Variants in AGFG2 observed in about 807,000 individuals in gnomAD.
AGFG2 encodes ArfGAP with FG repeats 2.
Under a neutral mutation model 48.0 loss-of-function variants are expected in AGFG2, and 31 were observed. The observed-to-expected ratio is 0.65, with a 90% confidence interval of 0.49 to 0.87. The LOEUF (loss-of-function observed/expected upper bound fraction) is 0.87. Ranked by LOEUF, AGFG2 falls within the 40% of genes least tolerant of loss-of-function variation. AGFG2 has a pLI of 0.00. For missense variants in AGFG2, 599 were observed against 632.6 expected (o/e 0.95, Z 0.57); for synonymous variants, 229 against 260.8 (o/e 0.88, Z 1.18).
At chr7:100,545,657 A>G (rs1233947869) in intron 1 of AGFG2, among the ~76,000 whole-genome samples, 2 of 152,228 alleles carry the variant, frequency 1.3e-5, no homozygotes, top group Non-Finnish European at 2.9e-5. Flanking sequence ...TAGAAATACC[A>G]GAATGAATTT....
At chr7:100,561,532 C>T (rs1383686488) in intron 6 of AGFG2, among the ~76,000 whole-genome samples, 3 of 152,206 alleles carry the variant, frequency 2.0e-5, no homozygotes, top group African/African-American at 7.2e-5. Flanking sequence ...AGACAGGAGG[C>T]TTTCTTAAAA....
intron 6 of AGFG2, among the ~76,000 whole-genome samples, chr7:100,561,639 G>A (rs755822125): frequency 3.3e-5 from 5 of 152,258 alleles, no homozygotes; most frequent in Non-Finnish European, 7.3e-5. Flanking sequence ...TGTGGGCCTT[G>A]CCCTCTGTGC....
chr7:100,543,070 A>AT (rs150652871), intron 1 of AGFG2, among the ~76,000 whole-genome samples: 9,710 of 149,374 alleles, frequency 0.065, 318 homozygotes, highest in Middle Eastern at 0.08. Flanking sequence ...ATTATTATTA[A>AT]TTTTTTTTTT....
chr7:100,553,602 G>C, intron 4 of AGFG2, 102 bp downstream of exon 4: 2 of 1,394,650 alleles, frequency 1.4e-6, no homozygotes, highest in Non-Finnish European at 1.9e-6. Flanking sequence ...AACAGTGCAG[G>C]AGCTGTGAGT....
In AGFG2 at chr7:100,565,352, G is replaced by C. The variant is rs755200076; in HGVS notation, c.*361G>C. On this transcript the variant is annotated 3_prime_UTR_variant, in exon 12 of 12. Coordinates refer to ENST00000300176, the MANE Select transcript of AGFG2 (RefSeq NM_006076.5). ...TCCTCATGGACGGGAGCGCAGTGGG[G>C]AAGGTAGGGGAAAGATGAGGCACAG... The C allele has an allele frequency of 7.1e-6, 2 of 282,940 alleles. No individual in the cohort carries two copies. Among genetic ancestry groups the C allele is most frequent in the South Asian group, 8.5e-5 (2 of 23,496 alleles). The allele number at this position is 282,940 out of a possible 1,614,324, so 17.5% of individuals were successfully genotyped here.
chr7:100,556,336 A>G lies in AGFG2; in HGVS notation c.877+601A>G, dbSNP rs1489805308. On this transcript the variant is annotated intron_variant, in intron 6 of 11. Transcript: ENST00000300176. ...TCTCAAAACAAACGAACGAACAAAC[A>G]AAACCAAATAAACTATGTTATTTAG... The G allele has an allele frequency of 3.0e-5, 6 of 202,636 alleles. No homozygotes were observed. In the Admixed American group the frequency reaches 3.2e-4, roughly 11 times the overall value. The allele number at this position is 202,636 out of a possible 1,614,324, so 12.6% of individuals were successfully genotyped here.
intron 1 of AGFG2, among the ~76,000 whole-genome samples, chr7:100,539,836 C>T (rs1800389139): frequency 6.6e-6 from 1 of 151,858 alleles, no homozygotes; most frequent in African/African-American, 2.4e-5. Context: ...CCGAGAAACT[C>T]CCCGAGGGGG....
At chr7:100,560,124 C>T (rs1179900994) in intron 6 of AGFG2, among the ~76,000 whole-genome samples, 2 of 151,746 alleles carry the variant, frequency 1.3e-5, no homozygotes, top group African/African-American at 4.8e-5. Context: ...TGGAGGCAGG[C>T]AGGCAGGGAA....
rs1457100518 is a variant in AGFG2 at position 100,562,215 on chromosome 7, G to A, written c.878-44G>A. The A allele has an allele frequency of 1.2e-6, 2 of 1,600,842 alleles. No individual in the cohort carries two copies. Among genetic ancestry groups the A allele is most frequent in the East Asian group, 2.2e-5 (1 of 44,524 alleles). On this transcript the variant is annotated intron_variant, in intron 6 of 11. Transcript: ENST00000300176. The surrounding 1 kb of genome is among the most constrained non-coding windows in gnomAD (Gnocchi z 5.4). ...TCTGCTCTCCTGCCCCTCCCGCCCT[G>A]TCTTACCTCAGCTCTCCCTGTTGTA...
At position 100,563,868 on chromosome 7, in the gene AGFG2, C is replaced by A; in HGVS notation, c.1206C>A (p.Gly402=). The A allele has an allele frequency of 6.2e-7, 1 of 1,611,280 alleles. No homozygotes were observed. The change falls in exon 10 of 12, where the codon GGC becomes GGA. Residue 402 remains glycine, a synonymous_variant. Transcript: ENST00000300176. ...PGFGMSSAGP[G]FPQAVPPTGA... ...TTGGGATGAGCAGTGCTGGGCCTGG[C>A]TTCCCCCAGGCAGTGCCACCCACTG...
chr7:100,562,926 A>G lies in AGFG2; in HGVS notation c.1151A>G (p.Gln384Arg). The G allele has an allele frequency of 6.2e-7, 1 of 1,614,042 alleles. No homozygotes were observed. The highest frequency in any genetic ancestry group is 1.1e-5 in the South Asian group (1 of 91,064). ...QSPLPSTNPF[Q>R]PNGLAPGPGF... ...CCGCTGCCTTCCACCAACCCGTTCC[A>G]GCCCAATGGCTTGGCGCCAGGTAAG... Residue 384 changes from glutamine (Q) to arginine (R), a missense_variant, in exon 9 of 12, where the codon CAG becomes CGG. By Grantham distance (43) the Gln-to-Arg change is conservative. Coordinates refer to ENST00000300176, the MANE Select transcript of AGFG2 (RefSeq NM_006076.5). The surrounding 1 kb of genome is among the most constrained non-coding windows in gnomAD (Gnocchi z 5.4).
chr7:100,564,265 C>G lies in AGFG2; in HGVS notation c.1348C>G (p.Leu450Val). The change falls in exon 11 of 12, where the codon CTG becomes GTG. Residue 450 changes from leucine to valine, a missense_variant. Coordinates refer to ENST00000300176, the MANE Select transcript of AGFG2 (RefSeq NM_006076.5). ...ATCAGCCAAGTTGGGGCAGAGGCCA[C>G]TGAGCCAGCCAGCTGGGATCTCCAC... ...LGSAKLGQRP[L>V]SQPAGISTNP... 4 of 1,613,906 alleles carry G rather than the reference C, an allele frequency of 2.5e-6. No individual in the cohort carries two copies. Among genetic ancestry groups the G allele is most frequent in the Non-Finnish European group, 3.4e-6 (4 of 1,179,928 alleles).
rs1194466852 is a variant in AGFG2, at chr7:100,539,484, C to G, written c.138C>G (p.His46Gln). The change falls in exon 1 of 12, where the codon CAC becomes CAG. Residue 46 changes from histidine (H) to glutamine (Q), a missense_variant. Transcript: ENST00000300176. ...GCTGCAGCCAGGCCGGGAACCGCCA[C>G]TGCTTCGAGTGCGCCCAGCGCGGGG... ...LGGCSQAGNR[H>Q]CFECAQRGVT... 1.5e-6 allele frequency: 2 copies of G among 1,318,838 alleles called. No homozygotes were observed. Among genetic ancestry groups the G allele is most frequent in the African/African-American group, 1.5e-5 (1 of 65,392 alleles). 81.7% of individuals were successfully genotyped at this position (1,318,838 alleles called of 1,614,324 possible).
rs202000689 is a variant in AGFG2, at chr7:100,563,890, A to C, written c.1228A>C (p.Thr410Pro). Residue 410 changes from threonine (T) to proline (P), a missense_variant, in exon 10 of 12, where the codon ACT (threonine) becomes CCT (proline). Coordinates refer to ENST00000300176, the MANE Select transcript of AGFG2 (RefSeq NM_006076.5). Reference sequence around the variant, plus strand: ...TGGCTTCCCCCAGGCAGTGCCACCCACTGGGGCCTTTGCCAGCTCCTTCCC... The same window carrying C: ...TGGCTTCCCCCAGGCAGTGCCACCCCCTGGGGCCTTTGCCAGCTCCTTCCC... ...GPGFPQAVPP[T>P]GAFASSFPAP... is the part of the protein sequence containing the mutation. 1.5e-4 allele frequency: 237 copies of C among 1,610,492 alleles called. No homozygotes were observed. The highest frequency in any genetic ancestry group is 1.8e-4 in the Non-Finnish European group (207 of 1,180,004).
At chr7:100,540,376 G>C (rs961074033) in intron 1 of AGFG2, among the ~76,000 whole-genome samples, 1 of 152,120 alleles carries the variant, frequency 6.6e-6, no homozygotes, top group African/African-American at 2.4e-5. Flanking sequence ...TAAGATCCCT[G>C]TTGCCATGAC....
intron 6 of AGFG2, among the ~76,000 whole-genome samples, chr7:100,559,759 A>G (rs1470365239): frequency 6.6e-6 from 1 of 151,520 alleles, no homozygotes; most frequent in East Asian, 1.9e-4. Context: ...TCGAGGCTGC[A>G]GTGAGCTGAG....
rs748296459 is a variant in AGFG2, at chr7:100,555,686, C to T, written c.828C>T (p.Ser276=). ...GCCCCAGCTCTTCTGTGTTTGGAAG[C>T]CTCCCTCCAGCTGGTCAAGCCTCGT... is the stretch of plus-strand genomic sequence containing the variant. The part of the protein sequence containing the change: ...SSGPSSSVFG[S]LPPAGQASFQ... Residue 276 remains serine, a synonymous_variant, in exon 6 of 12, where the codon AGC becomes AGT. Transcript: ENST00000300176. 2 of 1,614,146 alleles carry T rather than the reference C, an allele frequency of 1.2e-6. No individual in the cohort carries two copies. The highest frequency in any genetic ancestry group is 1.7e-5 in the Admixed American group (1 of 60,028).
At position 100,539,456 on chromosome 7, in the gene AGFG2, G is replaced by A. The variant is rs1800378307; in HGVS notation, c.110G>A (p.Gly37Asp). ...EVWCRRVREL[G>D]GCSQAGNRHC... ...TGGTGCCGTCGGGTGCGGGAGCTGG[G>A]TGGCTGCAGCCAGGCCGGGAACCGC... The change falls in exon 1 of 12, where the codon GGT (glycine) becomes GAT (aspartate). Residue 37 changes from glycine to aspartate, a missense_variant. Gly to Asp is a moderately conservative substitution (Grantham distance 94). Transcript: ENST00000300176. 3.0e-6 allele frequency: 4 copies of A among 1,323,012 alleles called. No individual in the cohort carries two copies. The highest frequency in any genetic ancestry group is 3.9e-6 in the Non-Finnish European group (4 of 1,032,382). 82.0% of individuals were successfully genotyped at this position (1,323,012 alleles called of 1,614,324 possible).
intron 2 of AGFG2, among the ~76,000 whole-genome samples, chr7:100,550,162 C>G (rs535990184): frequency 6.6e-6 from 1 of 152,144 alleles, no homozygotes; most frequent in East Asian, 1.9e-4. Context: ...CAAAAATTAG[C>G]TGGGCGTGGT....
Sources: allele counts gnomAD v4.1 joint callset (sites outside exome capture counted in the v4.1 genomes callset), GRCh38; gene constraint gnomAD v4.1.1; non-coding constraint Gnocchi (gnomAD v3.1); transcripts MANE v1.5; gene names NCBI Gene and HGNC (gene_info 2026-07-23, HGNC 2026-07-21).